Variants in MKRN2 observed in about 807,000 individuals in gnomAD.
The protein encoded by MKRN2 is E3 ubiquitin-protein ligase makorin-2.
A neutral mutation model predicts 45.4 loss-of-function variants in MKRN2; 32 were observed. The ratio of observed to expected loss-of-function variants is 0.70; its 90% CI spans 0.53 to 0.95. MKRN2 has a LOEUF of 0.95. Ranked by LOEUF, MKRN2 falls within the 40% of genes least tolerant of loss-of-function variation. MKRN2 has a pLI of 0.00. For missense variants in MKRN2, 526 were observed against 536.7 expected (o/e 0.98, Z 0.20); for synonymous variants, 206 against 192.4 (o/e 1.07, Z -0.59).
chr3:12,557,311 T>G, intron 1 of MKRN2, 135 bp downstream of exon 1: 2 of 1,252,804 alleles, frequency 1.6e-6, no homozygotes, highest in South Asian at 1.6e-5. Context: ...GCGGCGGGGC[T>G]TTGCGAGGCA....
chr3:12,573,818 A>C (rs887383544), intron 4 of MKRN2, among the ~76,000 whole-genome samples: 1 of 152,032 alleles, frequency 6.6e-6, no homozygotes, highest in African/African-American at 2.4e-5. Flanking sequence ...GTCTGAACCC[A>C]GGAGGTGGAG....
intron 6 of MKRN2, among the ~76,000 whole-genome samples, chr3:12,577,637 G>A (rs2058149967): frequency 6.6e-6 from 1 of 151,786 alleles, no homozygotes; most frequent in Non-Finnish European, 1.5e-5. Flanking sequence ...TTACATTGTA[G>A]AGAGACTTAG....
At chr3:12,575,628 GCGGGGGTCA>G (rs1418016874) in intron 5 of MKRN2, among the ~76,000 whole-genome samples, 1 of 152,166 alleles carries the variant, frequency 6.6e-6, no homozygotes, top group Non-Finnish European at 1.5e-5. Flanking sequence ...GGCCTGGGGT[GCGGGGGTCA>G]AGTAATTTGC....
chr3:12,563,469 C>T (rs1163833918), intron 1 of MKRN2, among the ~76,000 whole-genome samples: 1 of 149,736 alleles, frequency 6.7e-6, no homozygotes, highest in African/African-American at 2.5e-5. Flanking sequence ...ACCATTCCCT[C>T]CTGTTGTCTA....
At position 12,557,148 on chromosome 3, in the gene MKRN2, A is replaced by T. The variant is rs754959192; in HGVS notation, c.-3A>T. On this transcript the variant is annotated 5_prime_UTR_variant, in exon 1 of 8. Coordinates refer to ENST00000170447, the MANE Select transcript of MKRN2 (RefSeq NM_014160.5). ...ACGACGACGGTCCCTCAGCCCAGCC[A>T]CCATGAGCACCAAGCAGATCACTTG... The T allele has an allele frequency of 8.5e-6, 13 of 1,524,018 alleles. 1 individual carries two copies. The South Asian group carries it at 1.6e-4, about 19-fold the overall frequency. 94.4% of individuals were successfully genotyped at this position (1,524,018 alleles called of 1,614,324 possible).
intron 6 of MKRN2, 143 bp from the exon 7 acceptor site, chr3:12,581,665 T>A: frequency 2.3e-6 from 2 of 851,230 alleles, no homozygotes; most frequent in South Asian, 3.2e-5. Flanking sequence ...TCACTCAACC[T>A]CTCCCAGCCT....
chr3:12,576,667 A>G lies in MKRN2; in HGVS notation c.894A>G (p.Val298=). 1 of 1,609,328 alleles carries G rather than the reference A, an allele frequency of 6.2e-7. No individual in the cohort carries two copies. The highest frequency in any genetic ancestry group is 8.5e-7 in the Non-Finnish European group (1 of 1,175,946). Residue 298 remains valine (V), a synonymous_variant, in exon 6 of 8, where the codon GTA becomes GTG. Transcript: ENST00000170447. ...CPECRVISEF[V]IPSVYWVEDQ... ...AATGCCGTGTGATATCAGAGTTTGT[A>G]ATTCCAAGTGTGTATTGGGTGGAAG... is the stretch of plus-strand genomic sequence containing the variant.
chr3:12,577,987 G>A (rs2058153216), intron 6 of MKRN2, among the ~76,000 whole-genome samples: 1 of 152,120 alleles, frequency 6.6e-6, no homozygotes. Flanking sequence ...AAGTGTTGCT[G>A]TTTTTAACAG....
rs2058039086 is a variant in MKRN2 at position 12,561,905 on chromosome 3, G to A, written c.26+4729G>A. On this transcript the variant is annotated intron_variant, in intron 1 of 7. Coordinates refer to ENST00000170447, the MANE Select transcript of MKRN2 (RefSeq NM_014160.5). Reference sequence around the variant, plus strand: ...ATGTATACTCTACTTTTGTGTTTGGGATCTCCAAGACCACCCCAAATCCAG... The same window carrying A: ...ATGTATACTCTACTTTTGTGTTTGGAATCTCCAAGACCACCCCAAATCCAG... Among the ~76,000 whole-genome samples, 3 of 152,030 alleles carry A rather than the reference G, an allele frequency of 2.0e-5. No individual in the cohort carries two copies. The South Asian group carries it at 6.2e-4, about 32-fold the overall frequency.
Position 12,572,369 on chromosome 3 carries a change from A to G in MKRN2, c.638A>G (p.Glu213Gly), listed in dbSNP as rs746420311. The G allele has an allele frequency of 3.5e-5, 55 of 1,556,626 alleles. No homozygotes were observed. The highest frequency in any genetic ancestry group is 1.7e-4 in the Middle Eastern group (1 of 5,802). The change falls in exon 4 of 8, where the codon GAA (glutamate) becomes GGA (glycine). Residue 213 changes from glutamate (E) to glycine (G), a missense_variant. Transcript: ENST00000170447. The part of the protein sequence containing the change: ...PFDPEQRKAH[E>G]KICMLTFEHE... Reference sequence around the variant, plus strand: ...GACCCAGAGCAGAGGAAGGCTCATGAAAAGGTAAAGTCACAAACCTTTGCA... The same window carrying G: ...GACCCAGAGCAGAGGAAGGCTCATGGAAAGGTAAAGTCACAAACCTTTGCA...
intron 1 of MKRN2, among the ~76,000 whole-genome samples, chr3:12,563,483 CTT>C (rs769910086): frequency 0.072 from 7,324 of 101,332 alleles, 272 homozygotes; most frequent in Admixed American, 0.16. Flanking sequence ...TTGTCTAGTT[CTT>C]TTTTTTTTTT....
At chr3:12,572,008 A>C (rs1209541928) in intron 3 of MKRN2, 61 bp from the exon 4 acceptor site, 1 of 1,479,984 alleles carries the variant, frequency 6.8e-7, no homozygotes, top group Non-Finnish European at 9.0e-7. Flanking sequence ...GGCTTTGGCT[A>C]ACGGCATACC....
In MKRN2 at chr3:12,557,297, G is replaced by T. The variant is rs1012804676; in HGVS notation, c.26+121G>T. ...GCGGGACTCGGAAAGTTACTCGGCT[G>T]TTCGCGGCGGGGCTTTGCGAGGCAG... On this transcript the variant is annotated intron_variant, in intron 1 of 7. Coordinates refer to ENST00000170447, the MANE Select transcript of MKRN2 (RefSeq NM_014160.5). The T allele has an allele frequency of 1.4e-5, 18 of 1,323,772 alleles. No individual in the cohort carries two copies. In the Admixed American group the frequency reaches 4.6e-4, roughly 34 times the overall value. 82.0% of individuals were successfully genotyped at this position (1,323,772 alleles called of 1,614,324 possible).
At chr3:12,573,871 C>T (rs1009597667) in intron 4 of MKRN2, among the ~76,000 whole-genome samples, 2 of 150,514 alleles carry the variant, frequency 1.3e-5, no homozygotes, top group Middle Eastern at 3.2e-3. Flanking sequence ...CCAGCCTGGA[C>T]GACAGAGAGA....
rs1287134904 is a variant in MKRN2, at chr3:12,582,140, G to C, written c.1138G>C (p.Asp380His). The C allele has an allele frequency of 6.2e-7, 1 of 1,614,180 alleles. No individual in the cohort carries two copies. Among genetic ancestry groups the C allele is most frequent in the South Asian group, 1.1e-5 (1 of 91,086 alleles). The change falls in exon 8 of 8, where the codon GAT becomes CAT. Residue 380 changes from aspartate (D) to histidine (H), a missense_variant. Coordinates refer to ENST00000170447, the MANE Select transcript of MKRN2 (RefSeq NM_014160.5). ...GTTCTTTAATTCAGTGCGGCTCTGGGATTTCATCGAGAACCGAGAAAGCCG... is the reference window on the plus strand; with the variant it reads ...GTTCTTTAATTCAGTGCGGCTCTGGCATTTCATCGAGAACCGAGAAAGCCG... Reference protein sequence around the residue: ...VRFFNSVRLWDFIENRESRHV... With the variant: ...VRFFNSVRLWHFIENRESRHV...
At chr3:12,578,459 A>G (rs1030563895) in intron 6 of MKRN2, among the ~76,000 whole-genome samples, 4 of 151,842 alleles carry the variant, frequency 2.6e-5, no homozygotes, top group Non-Finnish European at 5.9e-5. Flanking sequence ...GTGGGACTAC[A>G]GGCGCATGCC....
At chr3:12,558,214 T>G (rs755014444) in intron 1 of MKRN2, among the ~76,000 whole-genome samples, 1 of 152,232 alleles carries the variant, frequency 6.6e-6, no homozygotes, top group Non-Finnish European at 1.5e-5. Flanking sequence ...TTAGCATTAG[T>G]GTACATTTAC....
chr3:12,579,983 TGGGA>T (rs535371122), intron 6 of MKRN2, among the ~76,000 whole-genome samples: 127 of 148,582 alleles, frequency 8.5e-4, no homozygotes, highest in African/African-American at 3.0e-3. Context: ...CTGGTGGGAG[TGGGA>T]GGGAGGCCAG....
chr3:12,575,519 G>A (rs1234300220), intron 5 of MKRN2, among the ~76,000 whole-genome samples: 1 of 152,198 alleles, frequency 6.6e-6, no homozygotes, highest in African/African-American at 2.4e-5. Context: ...GAGCTGGCAT[G>A]TGGAGAGGTT....
Sources: gnomAD v4.1 joint callset for allele counts (sites outside exome capture counted in the v4.1 genomes callset) on GRCh38, gnomAD v4.1.1 for gene constraint, MANE v1.5 for transcripts, NCBI Gene and HGNC (gene_info 2026-07-23, HGNC 2026-07-21) for gene names.